MGST1: variants seen among roughly 807,000 people sequenced by gnomAD.
MGST1 encodes the protein glutathione S-transferase 12.
A neutral mutation model predicts 8.9 loss-of-function variants in MGST1; 5 were observed. The ratio of observed to expected loss-of-function variants is 0.56; its 90% confidence interval spans 0.29 to 1.19. The LOEUF is 1.19. Ranked by LOEUF, MGST1 falls within the 50% of genes most tolerant of loss-of-function variation. The probability of loss-of-function intolerance (pLI) is 0.08; values close to 1 mark genes in which losing one functional copy is unlikely to be tolerated. For synonymous variants in MGST1, 54 were observed against 67.8 expected, an observed-to-expected ratio of 0.80 and a Z score of 1.00; for missense variants, 182 against 187.4, an observed-to-expected ratio of 0.97 and a Z score of 0.17.
At chr12:16,553,485 G>C (rs1942071338) in intron 4 of MGST1, among the ~76,000 whole-genome samples, 2 of 152,138 alleles carry the variant, frequency 1.3e-5, no homozygotes, top group African/African-American at 4.8e-5. Context: ...GAGCGAGAGA[G>C]AGACAGAACT....
At chr12:16,526,967 AC>A (rs1941691124) in intron 4 of MGST1, among the ~76,000 whole-genome samples, 1 of 152,022 alleles carries the variant, frequency 6.6e-6, no homozygotes, top group Admixed American at 6.6e-5. Context: ...ATCATGATCT[AC>A]AATAAGCTAT....
At position 16,549,175 on chromosome 12, in the gene MGST1, C is replaced by T. The variant is rs1941896408; in HGVS notation, n.483-40353C>T. 3.3e-5 allele frequency: 5 copies of T among 152,180 alleles called. No individual in the cohort carries two copies. In the South Asian group the frequency reaches 1.0e-3, roughly 32 times the overall value. The allele number at this position is 152,180 out of a possible 1,614,324, so 9.4% of individuals were successfully genotyped here. On this transcript the variant is annotated intron_variant and non_coding_transcript_variant, in intron 4 of 4. Transcript: ENST00000538857. ...GAAAACCACTTTTCACTGATCTCTC[C>T]CCCACATATTTTTAATTTGTCTTGC... is the stretch of plus-strand genomic sequence containing the variant.
Position 16,508,929 on chromosome 12 carries a change from G to C in MGST1, n.483-80599G>C, listed in dbSNP as rs574761535. Reference sequence around the variant, plus strand: ...AAAGTATGAATAGTAGGTGGTTAGGGGGTATTTTGGACTTACAGTACCCTT... The same window carrying C: ...AAAGTATGAATAGTAGGTGGTTAGGCGGTATTTTGGACTTACAGTACCCTT... On this transcript the variant is annotated intron_variant and non_coding_transcript_variant, in intron 4 of 4. Transcript: ENST00000538857. Among the ~76,000 whole-genome samples, 5 of 152,190 alleles carry C rather than the reference G, an allele frequency of 3.3e-5. No homozygotes were observed. In the South Asian group the frequency reaches 6.2e-4, roughly 19 times the overall value.
chr12:16,531,339 C>T (rs1055078302), intron 4 of MGST1, among the ~76,000 whole-genome samples: 18 of 151,870 alleles, frequency 1.2e-4, no homozygotes, highest in African/African-American at 4.4e-4. Flanking sequence ...GAAAAGTTAA[C>T]ATCAGTGTTT....
intron 4 of MGST1, chr12:16,551,051 G>A: frequency 1.9e-6 from 1 of 527,042 alleles, no homozygotes; most frequent in Admixed American, 3.2e-5. Flanking sequence ...CTCTGAACTG[G>A]GGCAATTTCA....
upstream of MGST1, among the ~76,000 whole-genome samples, chr12:16,382,374 C>A (rs772806919): frequency 6.6e-6 from 1 of 152,186 alleles, no homozygotes; most frequent in Admixed American, 6.5e-5. Flanking sequence ...CCCTCAGCTG[C>A]AGGTCTGTTG....
At chr12:16,502,303 T>C (rs1941509746) in intron 4 of MGST1, among the ~76,000 whole-genome samples, 1 of 152,186 alleles carries the variant, frequency 6.6e-6, no homozygotes, top group Non-Finnish European at 1.5e-5. Flanking sequence ...GGATCCAAAC[T>C]ACAAATTCAT....
chr12:16,440,892 G>C (rs1352551443), downstream of MGST1, among the ~76,000 whole-genome samples: 1 of 151,744 alleles, frequency 6.6e-6, no homozygotes, highest in African/African-American at 2.4e-5. Context: ...GCTATTGTCT[G>C]CCATTATTTT....
At chr12:16,480,721 T>C (rs1314977340) in intron 4 of MGST1, among the ~76,000 whole-genome samples, 1 of 152,212 alleles carries the variant, frequency 6.6e-6, no homozygotes, top group Non-Finnish European at 1.5e-5. Flanking sequence ...GTAAATATTT[T>C]AGGCTTTGAG....
chr12:16,485,935 A>G (rs1189594634), intron 4 of MGST1, among the ~76,000 whole-genome samples: 2 of 152,186 alleles, frequency 1.3e-5, no homozygotes, highest in Non-Finnish European at 2.9e-5. Context: ...TTCTTGTTTA[A>G]TTTTCTCTTT....
Position 16,415,183 on chromosome 12 carries a change from C to T in MGST1, n.779-22205C>T, listed in dbSNP as rs569026708. On this transcript the variant is annotated intron_variant and non_coding_transcript_variant, in intron 1 of 1. Transcript: ENST00000359720. ...TGGTCAGATAAGATGTCTTATACTA[C>T]TCTTCCTACATTTCTTGACATTTTT... Among the ~76,000 whole-genome samples the T allele has an allele frequency of 5.6e-4, 85 of 152,300 alleles. 1 individual carries two copies. The highest frequency in any genetic ancestry group is 1.0e-3 in the Non-Finnish European group (69 of 68,020).
intron 4 of MGST1, among the ~76,000 whole-genome samples, chr12:16,545,275 A>G (rs938791571): frequency 2.6e-5 from 4 of 152,070 alleles, no homozygotes; most frequent in African/African-American, 9.7e-5. Flanking sequence ...TGTATTTATT[A>G]GGGTTGTATG....
At chr12:16,411,576 A>C (rs529130226) in intron 1 of MGST1, among the ~76,000 whole-genome samples, 17 of 152,280 alleles carry the variant, frequency 1.1e-4, no homozygotes, top group African/African-American at 4.1e-4. Flanking sequence ...AATTCATTCT[A>C]AGAAGAGGTA....
At chr12:16,402,844 C>T (rs145892602) in intron 1 of MGST1, among the ~76,000 whole-genome samples, 10 of 151,092 alleles carry the variant, frequency 6.6e-5, no homozygotes, top group African/African-American at 2.4e-4. Flanking sequence ...CCACTGTTTG[C>T]CGCATTATGT....
downstream of MGST1, among the ~76,000 whole-genome samples, chr12:16,368,912 T>G (rs1940240442): frequency 6.6e-6 from 1 of 152,200 alleles, no homozygotes. Flanking sequence ...CGAAGAGATC[T>G]GTATTAGTAA....
At chr12:16,357,106 T>C (rs1421880490) in intron 2 of MGST1, among the ~76,000 whole-genome samples, 1 of 152,226 alleles carries the variant, frequency 6.6e-6, no homozygotes, top group Non-Finnish European at 1.5e-5. Flanking sequence ...CAACTTTGCA[T>C]TGTTAATAAA....
intron 1 of MGST1, among the ~76,000 whole-genome samples, chr12:16,427,578 C>T (rs1351610895): frequency 2.0e-5 from 3 of 152,228 alleles, no homozygotes; most frequent in African/African-American, 7.2e-5. Flanking sequence ...GACAGGGTTT[C>T]ACCATGTTGG....
At chr12:16,446,267 T>G (rs1032805113) in intron 4 of MGST1, among the ~76,000 whole-genome samples, 1 of 151,934 alleles carries the variant, frequency 6.6e-6, no homozygotes, top group African/African-American at 2.4e-5. Flanking sequence ...AGAGGTGCAG[T>G]TGCAGAGTGA....
At chr12:16,570,483 G>A (rs1450120735) in intron 4 of MGST1, among the ~76,000 whole-genome samples, 1 of 152,018 alleles carries the variant, frequency 6.6e-6, no homozygotes, top group African/African-American at 2.4e-5. Flanking sequence ...AAAATGAAAA[G>A]AAGCATTATA....
Sources: gnomAD v4.1 joint callset for allele counts (sites outside exome capture counted in the v4.1 genomes callset) on GRCh38, gnomAD v4.1.1 for gene constraint, MANE v1.5 for transcripts, NCBI Gene and HGNC (gene_info 2026-07-23, HGNC 2026-07-21) for gene names.